The following AMN1 variants were observed in gnomAD, a reference collection of about 807,000 sequenced individuals.
The protein encoded by AMN1 is antagonist of mitotic exit network 1 homolog.
A neutral mutation model predicts 33.0 loss-of-function variants in AMN1; 20 were observed. The ratio of observed to expected loss-of-function variants is 0.61; its 90% CI spans 0.43 to 0.88. The LOEUF is 0.88. Among genes scored for constraint, AMN1 ranks in the 40% least tolerant of loss-of-function variants. AMN1 has a pLI of 0.00. For missense variants in AMN1, 246 were observed against 307.4 expected (o/e 0.80, Z 1.49); for synonymous variants, 114 against 111.9 (o/e 1.02, Z -0.12).
chr12:31,702,563 CTTTA>C (rs1038207768), intron 2 of AMN1, among the ~76,000 whole-genome samples: 3 of 150,602 alleles, frequency 2.0e-5, no homozygotes, highest in African/African-American at 4.9e-5. Context: ...TTTTTCTGTT[CTTTA>C]TTTTTTTTCC....
intron 1 of AMN1, among the ~76,000 whole-genome samples, chr12:31,721,710 A>G (rs1032799082): frequency 1.3e-5 from 2 of 152,204 alleles, no homozygotes; most frequent in African/African-American, 4.8e-5. Context: ...GCTGTTGACA[A>G]TGTTACCTGG....
intron 6 of AMN1, chr12:31,673,118 TGTTA>T (rs1458021892): frequency 2.0e-5 from 3 of 152,262 alleles, no homozygotes; most frequent in Non-Finnish European, 4.4e-5. Context: ...GATAAAATTT[TGTTA>T]GTTTAAATAT....
intron 1 of AMN1, among the ~76,000 whole-genome samples, chr12:31,726,971 TTATTTATC>T (rs904561741): frequency 1.2e-4 from 6 of 51,612 alleles, no homozygotes; most frequent in Non-Finnish European, 3.7e-4. Context: ...TTTCTTTCAT[TTATTTATC>T]TATTTATTTA....
At chr12:31,717,354 G>A (rs1405656718) in intron 1 of AMN1, among the ~76,000 whole-genome samples, 2 of 152,150 alleles carry the variant, frequency 1.3e-5, no homozygotes, top group African/African-American at 4.8e-5. Context: ...TCACTGATGA[G>A]CATTTGAGTT....
chr12:31,674,393 G>A (rs1288241921), intron 6 of AMN1, among the ~76,000 whole-genome samples: 1 of 151,078 alleles, frequency 6.6e-6, no homozygotes, highest in East Asian at 1.9e-4. Flanking sequence ...GGGTGACAGA[G>A]TGAGACTCCA....
At chr12:31,691,472 A>G (rs1011369505) in intron 5 of AMN1, among the ~76,000 whole-genome samples, 1 of 152,102 alleles carries the variant, frequency 6.6e-6, no homozygotes, top group African/African-American at 2.4e-5. Context: ...CTATACATCA[A>G]TTGTGGTGGT....
At chr12:31,672,520 T>C in intron 6 of AMN1, 143 bp from the exon 7 acceptor site, 2 of 603,556 alleles carry the variant, frequency 3.3e-6, no homozygotes, top group Non-Finnish European at 5.9e-6. Context: ...AATATACAAC[T>C]AACTCACTAA....
chr12:31,694,259 T>G (rs577931919), intron 5 of AMN1, among the ~76,000 whole-genome samples: 2 of 151,408 alleles, frequency 1.3e-5, no homozygotes, highest in Non-Finnish European at 2.9e-5. Context: ...CTGGCCAACA[T>G]GGTGAAACCC....
At chr12:31,709,744 G>A (rs144311305) in intron 1 of AMN1, among the ~76,000 whole-genome samples, 9 of 152,144 alleles carry the variant, frequency 5.9e-5, no homozygotes, top group Non-Finnish European at 7.4e-5. Flanking sequence ...TGGGAGGATC[G>A]CTTGGGCCCA....
intron 6 of AMN1, among the ~76,000 whole-genome samples, chr12:31,677,094 C>A (rs1361560394): frequency 2.0e-5 from 3 of 149,186 alleles, no homozygotes; most frequent in Non-Finnish European, 4.4e-5. Flanking sequence ...GTCAGGAGAT[C>A]GAGACTATCC....
At chr12:31,688,894 G>A (rs920356373) in intron 6 of AMN1, 113 bp downstream of exon 6, 5 of 577,170 alleles carry the variant, frequency 8.7e-6, no homozygotes, top group Non-Finnish European at 1.5e-5. Flanking sequence ...CTCTCATTAT[G>A]CCTGTTTTAC....
At chr12:31,719,348 T>G (rs947392596) in intron 1 of AMN1, 2 of 983,374 alleles carry the variant, frequency 2.0e-6, no homozygotes, top group Non-Finnish European at 2.4e-6. Flanking sequence ...AAATCTTTCC[T>G]AAGCATCACT....
intron 5 of AMN1, among the ~76,000 whole-genome samples, chr12:31,695,625 A>T (rs924954821): frequency 8.6e-5 from 13 of 151,648 alleles, no homozygotes; most frequent in African/African-American, 3.2e-4. Flanking sequence ...AGCTGGGATT[A>T]CAGGTACCTG....
At chr12:31,701,556 G>A (rs1047958854) in intron 3 of AMN1, among the ~76,000 whole-genome samples, 6 of 152,066 alleles carry the variant, frequency 3.9e-5, no homozygotes, top group African/African-American at 4.8e-5. Context: ...GCAGTCTGCC[G>A]GCCTCCCAGC....
chr12:31,700,821 C>G (rs549753431), intron 3 of AMN1, among the ~76,000 whole-genome samples: 1 of 151,840 alleles, frequency 6.6e-6, no homozygotes, highest in Non-Finnish European at 1.5e-5. Context: ...TCCCGAGTAG[C>G]TGGGACTACA....
intron 2 of AMN1, 150 bp downstream of exon 2, chr12:31,709,143 C>T: frequency 1.1e-6 from 1 of 871,004 alleles, no homozygotes; most frequent in South Asian, 1.4e-5. Flanking sequence ...CCACTGTACT[C>T]CAGCCTGGGC....
intron 3 of AMN1, 57 bp downstream of exon 3, chr12:31,701,806 A>T: frequency 6.9e-7 from 1 of 1,456,322 alleles, no homozygotes. Flanking sequence ...CTTACTCCAC[A>T]ATTTTACCAG....
At chr12:31,692,455 AAAAAAAAACAAACG>A (rs1938542939) in intron 5 of AMN1, among the ~76,000 whole-genome samples, 1 of 151,626 alleles carries the variant, frequency 6.6e-6, no homozygotes, top group South Asian at 2.1e-4. Context: ...CTGTCTCAAA[AAAAAAAAACAAACG>A]AAAAAAAACA....
At chr12:31,722,114 A>G (rs1939896854) in intron 1 of AMN1, among the ~76,000 whole-genome samples, 1 of 145,468 alleles carries the variant, frequency 6.9e-6, no homozygotes, top group South Asian at 2.2e-4. Flanking sequence ...TGACAAGTTG[A>G]CTATATCAGG....
Sources: allele counts gnomAD v4.1 joint callset (sites outside exome capture counted in the v4.1 genomes callset), GRCh38; gene constraint gnomAD v4.1.1; transcripts MANE v1.5; gene names NCBI Gene and HGNC (gene_info 2026-07-23, HGNC 2026-07-21).